Variants in PGD observed in about 807,000 individuals in gnomAD.
PGD encodes phosphogluconate dehydrogenase.
A neutral mutation model predicts 60.4 loss-of-function variants in PGD; 21 were observed. That is an observed-to-expected ratio of 0.35 (90% CI 0.25 to 0.50). The LOEUF is 0.50. Ranked by LOEUF, PGD falls within the 20% of genes least tolerant of loss-of-function variation. PGD has a pLI of 0.98. For synonymous variants in PGD, 230 were observed against 235.9 expected, an observed-to-expected ratio of 0.97 and a Z score of 0.23; for missense variants, 477 against 613.1, an observed-to-expected ratio of 0.78 and a Z score of 2.34.
intron 5 of PGD, among the ~76,000 whole-genome samples, chr1:10,405,915 G>A (rs1247403687): frequency 3.9e-5 from 6 of 152,012 alleles, no homozygotes; most frequent in East Asian, 2.0e-4. Flanking sequence ...GTGCAGTGGC[G>A]CGATCTCTGC....
At chr1:10,399,228 G>A in intron 1 of PGD, 103 bp downstream of exon 1, 1 of 1,369,842 alleles carries the variant, frequency 7.3e-7, no homozygotes, top group Non-Finnish European at 1.0e-6. Flanking sequence ...CACCCTGGGG[G>A]TCGCCTGAGC....
chr1:10,400,563 C>G lies in PGD; in HGVS notation c.255C>G (p.Ile85Met), dbSNP rs150507721. The G allele has an allele frequency of 1.4e-5, 23 of 1,613,000 alleles. No individual in the cohort carries two copies. Among genetic ancestry groups the G allele is most frequent in the Non-Finnish European group, 1.6e-5 (19 of 1,179,552 alleles). ...CTGGGCAAGCTGTGGATGATTTCAT[C>G]GAGAAATTGGTGAGGCCAGCTGTGC... is the stretch of plus-strand genomic sequence containing the variant. Reference protein sequence around the residue: ...VKAGQAVDDFIEKLVPLLDTG... With the variant: ...VKAGQAVDDFMEKLVPLLDTG... The change falls in exon 3 of 13, where the codon ATC becomes ATG. Residue 85 changes from isoleucine (I) to methionine (M), a missense_variant. By Grantham distance (10) the Ile-to-Met change is conservative. This residue lies in a region of PGD where 431 missense variants were observed against 556.6 expected (regional missense o/e 0.77). Transcript: ENST00000270776.
At chr1:10,418,800 C>A in intron 10 of PGD, 26 bp from the exon 11 acceptor site, 3 of 1,106,518 alleles carry the variant, frequency 2.7e-6, no homozygotes, top group Non-Finnish European at 3.9e-6. Flanking sequence ...AGACTCATTG[C>A]TTTTTTCCCC....
rs570194537 is a variant in PGD at position 10,404,098 on chromosome 1, T to C, written c.331-63T>C. 1.7e-5 allele frequency: 20 copies of C among 1,148,620 alleles called. No homozygotes were observed. The African/African-American group carries it at 2.9e-4, about 17-fold the overall frequency. The allele number at this position is 1,148,620 out of a possible 1,614,324, so 71.2% of individuals were successfully genotyped here. Reference sequence around the variant, plus strand: ...ATAAGGGAAACATTTTTGGGTAGCATAATGAAACATGGAAGCATAATGAAA... The same window carrying C: ...ATAAGGGAAACATTTTTGGGTAGCACAATGAAACATGGAAGCATAATGAAA... On this transcript the variant is annotated intron_variant, in intron 4 of 12. Coordinates refer to ENST00000270776, the MANE Select transcript of PGD (RefSeq NM_002631.4).
intron 8 of PGD, among the ~76,000 whole-genome samples, chr1:10,416,076 C>T (rs1037622065): frequency 2.6e-5 from 4 of 152,080 alleles, no homozygotes; most frequent in African/African-American, 9.7e-5. Flanking sequence ...GAGTATTCTA[C>T]ATAACAGTGG....
chr1:10,419,020 T>G (rs970877024), intron 11 of PGD, 95 bp downstream of exon 11: 43 of 780,376 alleles, frequency 5.5e-5, no homozygotes, highest in Non-Finnish European at 6.6e-5. Context: ...TGGTTTTTTG[T>G]TTTTTTGAGA....
In PGD at chr1:10,417,527, C is replaced by G; in HGVS notation, c.1109+18C>G. On this transcript the variant is annotated intron_variant, in intron 10 of 12. Transcript: ENST00000270776. ...ATTAGAAGGTAAGTGAGAGGCAGCC[C>G]AGGGTCCGACGGGAAGGACTCACAC... The G allele has an allele frequency of 6.3e-7, 1 of 1,597,838 alleles. No individual in the cohort carries two copies. Among genetic ancestry groups the G allele is most frequent in the South Asian group, 1.1e-5 (1 of 88,918 alleles).
chr1:10,407,540 G>A (rs565990900), intron 5 of PGD, among the ~76,000 whole-genome samples: 1 of 152,150 alleles, frequency 6.6e-6, no homozygotes, highest in Non-Finnish European at 1.5e-5. Context: ...TGCTTTGAGG[G>A]CCCACCAGGA....
chr1:10,418,469 TGTTAGA>T, intron 10 of PGD, among the ~76,000 whole-genome samples: 1 of 152,108 alleles, frequency 6.6e-6, no homozygotes, highest in East Asian at 1.9e-4. Flanking sequence ...CTTACTTCCC[TGTTAGA>T]GTTAAGATTC....
At chr1:10,399,812 GCT>G (rs1639284559) in intron 2 of PGD, 108 bp downstream of exon 2, 2 of 933,934 alleles carry the variant, frequency 2.1e-6, no homozygotes, top group East Asian at 5.0e-5. Context: ...TTGCTAATGT[GCT>G]CTGTTGCTGC....
At chr1:10,407,190 A>G (rs751109178) in intron 5 of PGD, among the ~76,000 whole-genome samples, 1 of 152,132 alleles carries the variant, frequency 6.6e-6, no homozygotes, top group Non-Finnish European at 1.5e-5. Flanking sequence ...GCTCACGCCT[A>G]TGGTCCCAGC....
In PGD at chr1:10,403,149, C is replaced by G; in HGVS notation, c.330+13C>G. ...TAGGGACACCACAGTAAGTGTTCTTCAGTCCAGATTCTTCCAGGTTCCGAG... is the reference window on the plus strand; with the variant it reads ...TAGGGACACCACAGTAAGTGTTCTTGAGTCCAGATTCTTCCAGGTTCCGAG... On this transcript the variant is annotated intron_variant, in intron 4 of 12. Coordinates refer to ENST00000270776, the MANE Select transcript of PGD (RefSeq NM_002631.4). The G allele has an allele frequency of 1.3e-6, 2 of 1,569,510 alleles. No homozygotes were observed. The highest frequency in any genetic ancestry group is 1.8e-6 in the Non-Finnish European group (2 of 1,139,382).
At position 10,407,743 on chromosome 1, in the gene PGD, C is replaced by T. The variant is rs117040016; in HGVS notation, c.450-328C>T. On this transcript the variant is annotated intron_variant, in intron 5 of 12. Coordinates refer to ENST00000270776, the MANE Select transcript of PGD (RefSeq NM_002631.4). Reference sequence around the variant, plus strand: ...GGTGGATCACTTGAGCTCAGGAGTTCGAGACCAATCTGGGCAACATGGCAA... The same window carrying T: ...GGTGGATCACTTGAGCTCAGGAGTTTGAGACCAATCTGGGCAACATGGCAA... 2.9e-3 allele frequency among the ~76,000 whole-genome samples: 448 copies of T among 151,938 alleles called. 18 individuals are homozygous for T. The East Asian group carries it at 0.077, about 26-fold the overall frequency.
chr1:10,418,003 C>G (rs902660475), intron 10 of PGD, among the ~76,000 whole-genome samples: 1 of 152,218 alleles, frequency 6.6e-6, no homozygotes, highest in East Asian at 1.9e-4. Flanking sequence ...TGAGCCACTG[C>G]GCCCGGCTCC....
chr1:10,404,613 C>T (rs572751285), intron 5 of PGD, among the ~76,000 whole-genome samples: 3 of 151,814 alleles, frequency 2.0e-5, no homozygotes, highest in South Asian at 2.1e-4. Context: ...AATTCTTGTG[C>T]GTCAGCCTCC....
At chr1:10,401,587 C>T (rs894226685) in intron 3 of PGD, among the ~76,000 whole-genome samples, 1 of 152,176 alleles carries the variant, frequency 6.6e-6, no homozygotes, top group African/African-American at 2.4e-5. Flanking sequence ...AAAGGACATA[C>T]TAAATTTTTT....
chr1:10,418,941 C>G lies in PGD; in HGVS notation c.1209+16C>G. The G allele has an allele frequency of 7.2e-7, 1 of 1,395,172 alleles. No individual in the cohort carries two copies. The highest frequency in any genetic ancestry group is 1.0e-6 in the Non-Finnish European group (1 of 982,192). 86.4% of individuals were successfully genotyped at this position (1,395,172 alleles called of 1,614,324 possible). ...AAACTGCCAGGTATGTAGCCTAGGG[C>G]TGGTGCCATGGTTACTCTACCTCCC... On this transcript the variant is annotated intron_variant, in intron 11 of 12. Transcript: ENST00000270776.
chr1:10,410,756 C>T (rs539089981), intron 6 of PGD, among the ~76,000 whole-genome samples: 1 of 152,178 alleles, frequency 6.6e-6, no homozygotes, highest in African/African-American at 2.4e-5. Context: ...CACGAAGATC[C>T]ATAGTTAAGG....
chr1:10,400,644 C>A, intron 3 of PGD, 72 bp downstream of exon 3: 1 of 1,180,552 alleles, frequency 8.5e-7, no homozygotes, highest in Non-Finnish European at 1.2e-6. Flanking sequence ...AGTTCTCCTT[C>A]TTTTAACTCT....
Sources: gnomAD v4.1 joint callset for allele counts (sites outside exome capture counted in the v4.1 genomes callset) on GRCh38, gnomAD v4.1.1 for gene constraint, gnomAD v4.1.1 regional missense constraint, MANE v1.5 for transcripts, NCBI Gene and HGNC (gene_info 2026-07-23, HGNC 2026-07-21) for gene names.